TRABD2B: variants seen among roughly 807,000 people sequenced by gnomAD.
TRABD2B encodes metalloprotease TIKI2.
A neutral mutation model predicts 40.1 loss-of-function variants in TRABD2B; 14 were observed. The observed-to-expected ratio is 0.35, with a 90% CI of 0.23 to 0.55. The LOEUF is 0.55. Ranked by LOEUF, TRABD2B falls within the 20% of genes least tolerant of loss-of-function variation. The probability of loss-of-function intolerance (pLI) is 0.90; values close to 1 mark genes in which losing one functional copy is unlikely to be tolerated. For synonymous variants in TRABD2B, 263 were observed against 277.0 expected (o/e 0.95, Z 0.50); for missense variants, 541 against 648.6 (o/e 0.83, Z 1.80).
rs186324779 is a variant in TRABD2B, at chr1:47,992,037, T to C, written c.666+1997A>G. Among the ~76,000 whole-genome samples the C allele has an allele frequency of 6.7e-3, 1,021 of 152,268 alleles. 9 individuals carry two copies. Among genetic ancestry groups the C allele is most frequent in the South Asian group, 0.03 (143 of 4,822 alleles). On this transcript the variant is annotated intron_variant, in intron 2 of 6. Coordinates refer to ENST00000606738, the MANE Select transcript of TRABD2B (RefSeq NM_001194986.2). ...ATGATAACAGGACAAATTGGCATGA[T>C]TGGACACTCTGGCAGGTGGTGAAGG... is the stretch of plus-strand genomic sequence containing the variant.
chr1:47,843,513 T>C (rs1196286838), intron 2 of TRABD2B, among the ~76,000 whole-genome samples: 2 of 152,244 alleles, frequency 1.3e-5, no homozygotes, highest in African/African-American at 2.4e-5. Flanking sequence ...TTAGGGTATG[T>C]GCATTTTGAA....
chr1:47,797,721 G>C (rs1396982620), intron 3 of TRABD2B, among the ~76,000 whole-genome samples: 1 of 152,134 alleles, frequency 6.6e-6, no homozygotes, highest in Non-Finnish European at 1.5e-5. Flanking sequence ...TGAGTTCTGG[G>C]TTTGGGCCAC....
intron 2 of TRABD2B, among the ~76,000 whole-genome samples, chr1:47,924,413 C>T (rs1644944637): frequency 6.6e-6 from 1 of 152,184 alleles, no homozygotes; most frequent in Non-Finnish European, 1.5e-5. Flanking sequence ...ATGCTCAGAA[C>T]GTGGACTCCT....
At chr1:47,921,216 C>T (rs1497095) in intron 2 of TRABD2B, among the ~76,000 whole-genome samples, 42,674 of 152,016 alleles carry the variant, frequency 0.28, 6,139 homozygotes, top group Admixed American at 0.37. Context: ...TGACAGGTCA[C>T]GGTAGACCAA....
At chr1:47,967,897 G>T (rs141963900) in intron 2 of TRABD2B, among the ~76,000 whole-genome samples, 2 of 152,132 alleles carry the variant, frequency 1.3e-5, no homozygotes, top group Non-Finnish European at 2.9e-5. Flanking sequence ...GATACCTAAC[G>T]GTTATAACTT....
chr1:47,795,791 T>G (rs1644740329), intron 3 of TRABD2B: 1 of 760,398 alleles, frequency 1.3e-6, no homozygotes, highest in African/African-American at 1.9e-5. Flanking sequence ...CAGGACATAA[T>G]GCAAATGCCT....
intron 4 of TRABD2B, among the ~76,000 whole-genome samples, chr1:47,791,444 G>A (rs933836966): frequency 2.0e-5 from 3 of 152,224 alleles, no homozygotes; most frequent in African/African-American, 4.8e-5. Flanking sequence ...GCAGACACAT[G>A]CCTGGGGGAT....
At chr1:47,862,108 A>G (rs539146039) in intron 2 of TRABD2B, among the ~76,000 whole-genome samples, 2 of 152,346 alleles carry the variant, frequency 1.3e-5, no homozygotes, top group African/African-American at 4.8e-5. Flanking sequence ...GTTGATAAAT[A>G]ATAACTACAG....
intron 2 of TRABD2B, among the ~76,000 whole-genome samples, chr1:47,958,866 T>C (rs1404983685): frequency 7.9e-5 from 12 of 152,180 alleles, no homozygotes; most frequent in Admixed American, 7.2e-4. Flanking sequence ...CCGGACCTAA[T>C]AGACCTCTAC....
At chr1:47,798,608 T>A (rs1277529766) in intron 3 of TRABD2B, among the ~76,000 whole-genome samples, 1 of 152,198 alleles carries the variant, frequency 6.6e-6, no homozygotes, top group African/African-American at 2.4e-5. Flanking sequence ...GGCCTCCAGA[T>A]GTTGCTTCCT....
intron 2 of TRABD2B, among the ~76,000 whole-genome samples, chr1:47,861,498 C>A (rs770617542): frequency 3.3e-5 from 5 of 152,080 alleles, no homozygotes; most frequent in East Asian, 1.9e-4. Flanking sequence ...TAATAAGACA[C>A]AACTTGATAA....
chr1:47,875,869 G>A (rs889304681), intron 2 of TRABD2B, among the ~76,000 whole-genome samples: 1 of 150,808 alleles, frequency 6.6e-6, no homozygotes, highest in Non-Finnish European at 1.5e-5. Flanking sequence ...TGCTGGCTGT[G>A]GCCACAGCCC....
chr1:47,903,025 C>G (rs1198637158), intron 2 of TRABD2B, among the ~76,000 whole-genome samples: 1 of 152,134 alleles, frequency 6.6e-6, no homozygotes, highest in African/African-American at 2.4e-5. Flanking sequence ...TCTTCTCTGT[C>G]TGGGTTCATG....
Position 47,821,865 on chromosome 1 carries a change from G to C in TRABD2B, c.667-20246C>G, listed in dbSNP as rs183049969. On this transcript the variant is annotated intron_variant, in intron 2 of 6. Coordinates refer to ENST00000606738, the MANE Select transcript of TRABD2B (RefSeq NM_001194986.2). ...TCATCATCCCTCTTCAAAAGCAGCA[G>C]ATGCAGACATTTGAGGAAAAAAATT... 3.5e-3 allele frequency among the ~76,000 whole-genome samples: 530 copies of C among 152,234 alleles called. 8 individuals are homozygous for C. The highest frequency in any genetic ancestry group is 0.012 in the African/African-American group (496 of 41,516).
At chr1:47,969,116 T>C (rs775528611) in intron 2 of TRABD2B, among the ~76,000 whole-genome samples, 16 of 152,220 alleles carry the variant, frequency 1.1e-4, no homozygotes, top group Non-Finnish European at 1.9e-4. Flanking sequence ...CATTAGGTCC[T>C]CGTTAACATA....
At chr1:47,969,900 C>T (rs1645656517) in intron 2 of TRABD2B, among the ~76,000 whole-genome samples, 1 of 152,070 alleles carries the variant, frequency 6.6e-6, no homozygotes, top group Non-Finnish European at 1.5e-5. Flanking sequence ...TCGAAGCTGC[C>T]CCTTCCAGTG....
At chr1:47,810,380 C>T (rs1644948647) in intron 2 of TRABD2B, among the ~76,000 whole-genome samples, 1 of 151,896 alleles carries the variant, frequency 6.6e-6, no homozygotes, top group South Asian at 2.1e-4. Flanking sequence ...CCCCCGCCAC[C>T]CATTTTAGAT....
intron 2 of TRABD2B, among the ~76,000 whole-genome samples, chr1:47,859,679 C>T (rs1643937795): frequency 6.6e-6 from 1 of 152,210 alleles, no homozygotes; most frequent in South Asian, 2.1e-4. Flanking sequence ...CATCTCCTGG[C>T]TCAGAGTGGC....
intron 2 of TRABD2B, among the ~76,000 whole-genome samples, chr1:47,829,119 C>T (rs1053167280): frequency 6.6e-6 from 1 of 152,178 alleles, no homozygotes; most frequent in Non-Finnish European, 1.5e-5. Flanking sequence ...CTGTGCCTGA[C>T]TTGTCTCTTA....
Sources: allele counts gnomAD v4.1 joint callset (sites outside exome capture counted in the v4.1 genomes callset), GRCh38; gene constraint gnomAD v4.1.1; transcripts MANE v1.5; gene names NCBI Gene and HGNC (gene_info 2026-07-23, HGNC 2026-07-21).